Variants in DYRK1A observed in about 807,000 individuals in gnomAD.
DYRK1A encodes the protein dual specificity tyrosine-phosphorylation-regulated kinase 1A.
Under a neutral mutation model 79.7 loss-of-function variants are expected in DYRK1A, and 9 were observed. That is an observed-to-expected ratio of 0.11 (90% CI 0.07 to 0.20). DYRK1A has a LOEUF of 0.20. Among genes scored for constraint, DYRK1A ranks in the 10% least tolerant of loss-of-function variants. DYRK1A has a pLI of 1.00. For synonymous variants in DYRK1A, 349 were observed against 329.7 expected (o/e 1.06, Z -0.63); for missense variants, 622 against 956.0 (o/e 0.65, Z 4.61).
At chr21:37,426,849 G>A (rs1361085995) in intron 2 of DYRK1A, among the ~76,000 whole-genome samples, 2 of 149,640 alleles carry the variant, frequency 1.3e-5, no homozygotes, top group African/African-American at 4.9e-5. Context: ...GAACCTGGGA[G>A]GCGGAGCTTG....
At chr21:37,505,232 T>G in intron 9 of DYRK1A, 51 bp from the exon 10 acceptor site, 1 of 1,421,132 alleles carries the variant, frequency 7.0e-7, no homozygotes, top group Non-Finnish European at 9.7e-7. Flanking sequence ...TATGTGAGTG[T>G]TTACGTATTC....
intron 2 of DYRK1A, among the ~76,000 whole-genome samples, chr21:37,447,209 T>C (rs2051301797): frequency 6.6e-6 from 1 of 152,158 alleles, no homozygotes; most frequent in Admixed American, 6.5e-5. Flanking sequence ...TTCCTGCTCA[T>C]TCACTAAAGA....
chr21:37,459,837 T>C lies in DYRK1A; in HGVS notation c.11-12847T>C, dbSNP rs77909662. ...CAGTGAGTCATCTAAAATTAAACTT[T>C]GATCAGAAATAAGTTTCGTTTTTTT... is the stretch of plus-strand genomic sequence containing the variant. On this transcript the variant is annotated intron_variant, in intron 2 of 11. Coordinates refer to ENST00000647188, the MANE Select transcript of DYRK1A (RefSeq NM_001347721.2). Among the ~76,000 whole-genome samples the C allele has an allele frequency of 2.4e-3, 366 of 152,282 alleles. 2 individuals carry two copies. The highest frequency in any genetic ancestry group is 8.4e-3 in the African/African-American group (348 of 41,544).
intron 1 of DYRK1A, among the ~76,000 whole-genome samples, chr21:37,390,282 CAAT>C (rs748492187): frequency 1.3e-5 from 2 of 152,084 alleles, no homozygotes; most frequent in African/African-American, 2.4e-5. Context: ...TTTTTCTTGA[CAAT>C]AACTGAGAAA....
chr21:37,379,180 C>T (rs2049608108), intron 1 of DYRK1A, among the ~76,000 whole-genome samples: 1 of 151,788 alleles, frequency 6.6e-6, no homozygotes, highest in Non-Finnish European at 1.5e-5. Context: ...GAGGGTTTTT[C>T]AGCAGGGATT....
At chr21:37,421,724 A>C (rs974472604) in intron 2 of DYRK1A, 4 of 152,150 alleles carry the variant, frequency 2.6e-5, no homozygotes, top group Non-Finnish European at 5.9e-5. Context: ...TTAGAATTTT[A>C]TGCACATTTT....
chr21:37,383,293 A>G (rs2049695476), intron 1 of DYRK1A, among the ~76,000 whole-genome samples: 3 of 152,230 alleles, frequency 2.0e-5, no homozygotes, highest in South Asian at 4.1e-4. Flanking sequence ...TATAAGTTGC[A>G]GTGACTGAGT....
chr21:37,466,818 AT>A (rs1569348676), intron 2 of DYRK1A, among the ~76,000 whole-genome samples: 1 of 152,164 alleles, frequency 6.6e-6, no homozygotes, highest in East Asian at 1.9e-4. Flanking sequence ...AAAAATACCT[AT>A]ATAAGACAGC....
At chr21:37,367,978 C>CT (rs1342639427) in intron 1 of DYRK1A, 3 of 162,100 alleles carry the variant, frequency 1.9e-5, no homozygotes, top group Non-Finnish European at 4.0e-5. Flanking sequence ...TCCTCATCCT[C>CT]TTCCCCCAGC....
Position 37,486,628 on chromosome 21 carries a change from C to T in DYRK1A, c.637+14C>T. 6.6e-7 allele frequency: 1 copy of T among 1,525,840 alleles called. No homozygotes were observed. The highest frequency in any genetic ancestry group is 8.8e-7 in the Non-Finnish European group (1 of 1,136,188). 94.5% of individuals were successfully genotyped at this position (1,525,840 alleles called of 1,614,324 possible). A position where few individuals can be genotyped will look rare whatever the true frequency, so the allele number is the denominator to read the frequency against. On this transcript the variant is annotated intron_variant, in intron 6 of 11. Coordinates refer to ENST00000647188, the MANE Select transcript of DYRK1A (RefSeq NM_001347721.2). The stretch of plus-strand genomic sequence containing the variant: ...AATACTACATAGGTAAACAAACAGG[C>T]AAACAGCGCAGTGTGCCCCAACCCA...
At chr21:37,438,631 TC>T (rs1429504589) in intron 2 of DYRK1A, among the ~76,000 whole-genome samples, 1 of 152,194 alleles carries the variant, frequency 6.6e-6, no homozygotes, top group Non-Finnish European at 1.5e-5. Flanking sequence ...AAATCAGTCT[TC>T]CATATATGTG....
upstream of DYRK1A, among the ~76,000 whole-genome samples, chr21:37,366,461 C>T (rs1413877768): frequency 2.0e-5 from 3 of 148,316 alleles, no homozygotes; most frequent in Non-Finnish European, 3.0e-5. Context: ...ACAGGCCTGG[C>T]CGCCGCCTCG....
At chr21:37,368,330 C>T (rs764574135) in intron 1 of DYRK1A, among the ~76,000 whole-genome samples, 2 of 152,184 alleles carry the variant, frequency 1.3e-5, no homozygotes, top group Non-Finnish European at 2.9e-5. Flanking sequence ...CAAAACTTCA[C>T]CAGTCTATTT....
intron 6 of DYRK1A, chr21:37,488,730 A>G (rs927283179): frequency 4.1e-6 from 4 of 985,318 alleles, no homozygotes; most frequent in African/African-American, 3.5e-5. Flanking sequence ...TTGGACGAAC[A>G]TTGTGATCAC....
chr21:37,369,015 A>G (rs997488760), intron 1 of DYRK1A, among the ~76,000 whole-genome samples: 5 of 152,190 alleles, frequency 3.3e-5, no homozygotes, highest in African/African-American at 1.2e-4. Flanking sequence ...GAAAGGAATT[A>G]AAGATATTCC....
chr21:37,456,455 G>A (rs1156589846), intron 2 of DYRK1A: 4 of 152,074 alleles, frequency 2.6e-5, no homozygotes, highest in Non-Finnish European at 5.9e-5. Context: ...CTGTCTTTTG[G>A]CCCAGCCACC....
intron 2 of DYRK1A, among the ~76,000 whole-genome samples, chr21:37,443,477 G>T (rs2051171707): frequency 6.6e-6 from 1 of 152,184 alleles, no homozygotes; most frequent in African/African-American, 2.4e-5. Flanking sequence ...TTTGTCGGGT[G>T]CCGAGTATTT....
chr21:37,421,996 G>C (rs2050489182), intron 2 of DYRK1A: 1 of 151,996 alleles, frequency 6.6e-6, no homozygotes, highest in African/African-American at 2.4e-5. Context: ...AGACATGGAG[G>C]GTTTCCAAAT....
intron 2 of DYRK1A, among the ~76,000 whole-genome samples, chr21:37,433,065 A>G (rs1440336842): frequency 3.3e-5 from 5 of 150,030 alleles, no homozygotes; most frequent in African/African-American, 1.2e-4. Context: ...ATATATATAT[A>G]TGTAATGAAG....
Sources: allele counts gnomAD v4.1 joint callset (sites outside exome capture counted in the v4.1 genomes callset), GRCh38; gene constraint gnomAD v4.1.1; transcripts MANE v1.5; gene names NCBI Gene and HGNC (gene_info 2026-07-23, HGNC 2026-07-21).